The following ACOT7 variants were observed in gnomAD, a reference collection of about 807,000 sequenced individuals.
ACOT7 encodes acyl-CoA thioesterase 7, also known as cytosolic acyl coenzyme A thioester hydrolase.
ACOT7 carries 12 observed loss-of-function variants against 40.2 expected under a neutral mutation model. The observed-to-expected ratio is 0.30, with a 90% CI of 0.19 to 0.48. ACOT7 has a LOEUF of 0.48. Among genes scored for constraint, ACOT7 ranks in the 20% least tolerant of loss-of-function variants. ACOT7 has a pLI of 0.99. For missense variants in ACOT7, 395 were observed against 530.8 expected, an observed-to-expected ratio of 0.74 and a Z score of 2.51; for synonymous variants, 228 against 219.5, an observed-to-expected ratio of 1.04 and a Z score of -0.34.
chr1:6,328,529 A>C (rs75323258), intron 4 of ACOT7, among the ~76,000 whole-genome samples: 9,793 of 151,958 alleles, frequency 0.064, 414 homozygotes, highest in African/African-American at 0.12. Context: ...TAAAAATACC[A>C]AAATTAGCCA....
intron 8 of ACOT7, 47 bp from the exon 9 acceptor site, chr1:6,264,742 C>T (rs1415498713): frequency 3.1e-6 from 5 of 1,591,894 alleles, no homozygotes; most frequent in East Asian, 2.3e-5. Flanking sequence ...ACTGCAGAAC[C>T]AGTGCCGTGG....
chr1:6,381,523 A>C (rs180684167), intron 1 of ACOT7, among the ~76,000 whole-genome samples: 2,671 of 151,800 alleles, frequency 0.018, 45 homozygotes, highest in Middle Eastern at 0.037. Context: ...TCAAAAAAAA[A>C]CAGAAAATAA....
intron 5 of ACOT7, among the ~76,000 whole-genome samples, chr1:6,325,402 TA>T (rs111792791): frequency 1.4e-3 from 205 of 145,112 alleles, no homozygotes; most frequent in Admixed American, 1.4e-3. Context: ...TGCCTCAAAT[TA>T]AAAAAAAAAA....
At chr1:6,332,849 A>AAAAG (rs137954170) in intron 4 of ACOT7, among the ~76,000 whole-genome samples, 4,112 of 152,042 alleles carry the variant, frequency 0.027, 199 homozygotes, top group African/African-American at 0.094. Flanking sequence ...AAAAAAAACA[A>AAAAG]AAAGAAAGAA....
At chr1:6,273,091 C>T (rs1332914059) in intron 8 of ACOT7, among the ~76,000 whole-genome samples, 1 of 152,228 alleles carries the variant, frequency 6.6e-6, no homozygotes, top group Non-Finnish European at 1.5e-5. Context: ...GGGTTTTTAA[C>T]CCCCCGCAGC....
rs537490486 is a variant in ACOT7 at position 6,380,704 on chromosome 1, T to C, written c.143+12553A>G. Among the ~76,000 whole-genome samples, 118 of 125,628 alleles carry C rather than the reference T, an allele frequency of 9.4e-4. 4 individuals carry two copies. Among genetic ancestry groups the C allele is most frequent in the African/African-American group, 2.6e-3 (80 of 30,682 alleles). The allele number at this position is 125,628 out of a possible 152,430, so 82.4% of individuals were successfully genotyped here. On this transcript the variant is annotated intron_variant, in intron 1 of 8. Transcript: ENST00000361521. Reference sequence around the variant, plus strand: ...AAGAATGAGTTGCACCTTTACCTAATAGCATATACAAAAAAAAAAAAAAAC... The same window carrying C: ...AAGAATGAGTTGCACCTTTACCTAACAGCATATACAAAAAAAAAAAAAAAC...
At chr1:6,340,259 C>A (rs1309727046) in intron 2 of ACOT7, among the ~76,000 whole-genome samples, 4 of 152,220 alleles carry the variant, frequency 2.6e-5, no homozygotes, top group African/African-American at 7.2e-5. Context: ...AGCCACCGCG[C>A]CCGGCCTAGC....
At chr1:6,339,732 C>T in intron 2 of ACOT7, 143 bp from the exon 3 acceptor site, 1 of 880,624 alleles carries the variant, frequency 1.1e-6, no homozygotes, top group Middle Eastern at 3.7e-4. Context: ...CATTTATTGG[C>T]ACCGCGGTTT....
intron 1 of ACOT7, among the ~76,000 whole-genome samples, chr1:6,363,470 T>TGTGCTTCA (rs1229836819): frequency 6.6e-5 from 10 of 152,244 alleles, no homozygotes; most frequent in Non-Finnish European, 1.5e-5. Context: ...CCTGTGATGC[T>TGTGCTTCA]GTGCTTCAGT....
Position 6,393,304 on chromosome 1 carries a change from G to T in ACOT7, c.96C>A (p.Ser32Arg), listed in dbSNP as rs2148487239. Residue 32 changes from serine (S) to arginine (R), a missense_variant, in exon 1 of 9, where the codon AGC becomes AGA. Ser to Arg is a moderately radical substitution (Grantham distance 110). Around this residue, in one of 2 missense-constraint regions of ACOT7, gnomAD observed 86 missense variants for 60.5 expected, o/e 1.42. Transcript: ENST00000361521. ...PPAASAAAAP[S>R]MSGPDVETPS... is the part of the protein sequence containing the mutation. ...GCGTCTCGACGTCTGGGCCCGACAT[G>T]CTGGGGGCTGCGGCGGCGGATGCGG... 7.8e-7 allele frequency: 1 copy of T among 1,283,498 alleles called. No individual in the cohort carries two copies. The allele number at this position is 1,283,498 out of a possible 1,614,324, so 79.5% of individuals were successfully genotyped here. A position where few individuals can be genotyped will look rare whatever the true frequency, so the allele number is the denominator to read the frequency against.
chr1:6,310,246 G>A (rs545339472), intron 6 of ACOT7, among the ~76,000 whole-genome samples: 1 of 152,228 alleles, frequency 6.6e-6, no homozygotes, highest in African/African-American at 2.4e-5. Flanking sequence ...GGTGGGAAGA[G>A]GGTGAGGGCA....
At chr1:6,363,715 T>C (rs1335071734) in intron 1 of ACOT7, among the ~76,000 whole-genome samples, 3 of 152,060 alleles carry the variant, frequency 2.0e-5, no homozygotes, top group Non-Finnish European at 4.4e-5. Context: ...TGATTCACAC[T>C]CTTTACCCCT....
intron 5 of ACOT7, among the ~76,000 whole-genome samples, chr1:6,326,497 A>G (rs1469212223): frequency 6.6e-6 from 1 of 152,240 alleles, no homozygotes; most frequent in Non-Finnish European, 1.5e-5. Flanking sequence ...GAAACTGGGC[A>G]TGCCACAGAG....
rs1369452631 is a variant in ACOT7, at chr1:6,352,922, A to G, written c.144-3056T>C. On this transcript the variant is annotated intron_variant, in intron 1 of 8. Coordinates refer to ENST00000361521, the MANE Select transcript of ACOT7 (RefSeq NM_007274.4). The surrounding 1 kb of genome is among the most constrained non-coding windows in gnomAD (Gnocchi z 4.5). ...GAGACAGCGTCTCATTCTGTCACCC[A>G]GGCTGGAGTACAGTGGCATGATCTT... Among the ~76,000 whole-genome samples, 1 of 152,070 alleles carries G rather than the reference A, an allele frequency of 6.6e-6. No homozygotes were observed. The highest frequency in any genetic ancestry group is 1.5e-5 in the Non-Finnish European group (1 of 68,022).
At chr1:6,364,665 T>C (rs1641962290) in intron 1 of ACOT7, among the ~76,000 whole-genome samples, 1 of 150,652 alleles carries the variant, frequency 6.6e-6, no homozygotes, top group Non-Finnish European at 1.5e-5. Flanking sequence ...CTGGCCAACA[T>C]GGTGAAACCT....
At chr1:6,313,728 G>T (rs1008512816) in intron 6 of ACOT7, among the ~76,000 whole-genome samples, 32 of 152,090 alleles carry the variant, frequency 2.1e-4, no homozygotes, top group African/African-American at 7.0e-4. Context: ...GGCTGGCGGA[G>T]CCACAGGGCA....
intron 5 of ACOT7, 139 bp downstream of exon 5, chr1:6,327,160 C>T (rs948186340): frequency 2.5e-5 from 22 of 865,104 alleles, no homozygotes; most frequent in Non-Finnish European, 3.8e-5. Context: ...CTGGGGACCC[C>T]AGAGAAACTG....
intron 6 of ACOT7, among the ~76,000 whole-genome samples, chr1:6,302,983 C>G (rs555871212): frequency 6.6e-6 from 1 of 152,242 alleles, no homozygotes; most frequent in Non-Finnish European, 1.5e-5. Context: ...CTCACAACTG[C>G]CTTTCTTGCC....
intron 2 of ACOT7, among the ~76,000 whole-genome samples, chr1:6,346,102 T>A (rs954001987): frequency 5.3e-5 from 8 of 152,132 alleles, no homozygotes; most frequent in Non-Finnish European, 1.2e-4. Context: ...GGCCGGACGC[T>A]GTGTTTTGTT....
Sources: gnomAD v4.1 joint callset for allele counts (sites outside exome capture counted in the v4.1 genomes callset) on GRCh38, gnomAD v4.1.1 for gene constraint, gnomAD v4.1.1 regional missense constraint, Gnocchi (gnomAD v3.1) non-coding constraint, MANE v1.5 for transcripts, NCBI Gene and HGNC (gene_info 2026-07-23, HGNC 2026-07-21) for gene names.